Variants in B3GALT1 observed in about 807,000 individuals in gnomAD.
B3GALT1 encodes the protein beta-1,3-galactosyltransferase 1, also known as UDP-Gal:betaGlcNAc beta 1,3-galactosyltransferase, polypeptide 1.
B3GALT1 carries 10 observed loss-of-function variants against 23.2 expected under a neutral mutation model. The ratio of observed to expected loss-of-function variants is 0.43; its 90% confidence interval spans 0.27 to 0.73. The LOEUF is 0.73. Ranked by LOEUF, B3GALT1 falls within the 30% of genes least tolerant of loss-of-function variation. The pLI is 0.21. For missense variants in B3GALT1, 299 were observed against 405.4 expected, an observed-to-expected ratio of 0.74 and a Z score of 2.25; for synonymous variants, 156 against 141.5, an observed-to-expected ratio of 1.10 and a Z score of -0.73.
chr2:167,831,430 A>G (rs1204424422), intron 4 of B3GALT1, among the ~76,000 whole-genome samples: 2 of 152,226 alleles, frequency 1.3e-5, no homozygotes, highest in East Asian at 3.8e-4. Context: ...CAAAATTCAT[A>G]TCTTTGGGAC....
At chr2:167,344,877 C>A (rs1697204892) in intron 1 of B3GALT1, among the ~76,000 whole-genome samples, 3 of 152,088 alleles carry the variant, frequency 2.0e-5, no homozygotes, top group Admixed American at 2.0e-4. Flanking sequence ...TTCTTCCAGT[C>A]ATATGAATGT....
chr2:167,599,088 T>G (rs1401497054), intron 2 of B3GALT1, among the ~76,000 whole-genome samples: 1 of 152,158 alleles, frequency 6.6e-6, no homozygotes, highest in African/African-American at 2.4e-5. Context: ...TTGCTCAAGG[T>G]GAGCCAACAG....
At chr2:167,534,652 T>C (rs1039865021) in intron 2 of B3GALT1, among the ~76,000 whole-genome samples, 2 of 152,196 alleles carry the variant, frequency 1.3e-5, no homozygotes, top group Non-Finnish European at 2.9e-5. Context: ...AGTCATAAGC[T>C]ACCATAAGAA....
At chr2:167,560,087 T>A (rs1683942894) in intron 2 of B3GALT1, among the ~76,000 whole-genome samples, 1 of 152,262 alleles carries the variant, frequency 6.6e-6, no homozygotes, top group Admixed American at 6.5e-5. Flanking sequence ...GGGAAGCCCA[T>A]CAGACTAACA....
At chr2:167,425,712 T>C (rs957205957) in intron 1 of B3GALT1, among the ~76,000 whole-genome samples, 2 of 152,184 alleles carry the variant, frequency 1.3e-5, no homozygotes, top group Admixed American at 6.5e-5. Context: ...TTTCTTTTCA[T>C]TTATGCACAC....
At position 167,800,647 on chromosome 2, in the gene B3GALT1, A is replaced by G. The variant is rs376738457; in HGVS notation, c.-351-18025A>G. Among the ~76,000 whole-genome samples, 8 of 152,322 alleles carry G rather than the reference A, an allele frequency of 5.3e-5. No individual in the cohort carries two copies. The East Asian group carries it at 1.4e-3, about 26-fold the overall frequency. On this transcript the variant is annotated intron_variant, in intron 3 of 4. Transcript: ENST00000392690. The stretch of plus-strand genomic sequence containing the variant: ...TTGAAATGATTCCTCACTATTGGAC[A>G]GCCTTTGGAAACTTGGCCTCACACC...
At chr2:167,745,525 G>A (rs1687639655) in intron 3 of B3GALT1, among the ~76,000 whole-genome samples, 1 of 151,990 alleles carries the variant, frequency 6.6e-6, no homozygotes, top group South Asian at 2.1e-4. Context: ...TAATGTAAAT[G>A]CCTCTATTTT....
rs551435781 is a variant in B3GALT1 at position 167,630,138 on chromosome 2, A to G, written c.-409-16771A>G. The stretch of plus-strand genomic sequence containing the variant: ...AAATAGGTGTACTAGTATAATTAGC[A>G]TCTCTGGGTTGTTGTAAGGATTAAA... On this transcript the variant is annotated intron_variant, in intron 2 of 4. Coordinates refer to ENST00000392690, the MANE Select transcript of B3GALT1 (RefSeq NM_020981.4). Among the ~76,000 whole-genome samples the G allele has an allele frequency of 5.8e-4, 88 of 151,862 alleles. 1 individual carries two copies. Among genetic ancestry groups the G allele is most frequent in the South Asian group, 1.5e-3 (7 of 4,822 alleles).
chr2:167,746,807 T>C (rs998867963), intron 3 of B3GALT1, among the ~76,000 whole-genome samples: 11 of 152,250 alleles, frequency 7.2e-5, no homozygotes, highest in African/African-American at 2.4e-4. Flanking sequence ...GTCTTTGCAG[T>C]CTGCCTTTCC....
intron 3 of B3GALT1, among the ~76,000 whole-genome samples, chr2:167,654,827 T>C (rs1353067859): frequency 6.6e-6 from 1 of 151,146 alleles, no homozygotes; most frequent in East Asian, 1.9e-4. Flanking sequence ...CACTTAACTT[T>C]AGACTCTAAT....
intron 2 of B3GALT1, among the ~76,000 whole-genome samples, chr2:167,520,185 CATT>C (rs748806951): frequency 2.0e-5 from 3 of 152,074 alleles, no homozygotes; most frequent in Non-Finnish European, 4.4e-5. Context: ...CCCATCAAGA[CATT>C]ATTTAAAGCA....
chr2:167,505,997 A>T (rs563530437), intron 2 of B3GALT1, among the ~76,000 whole-genome samples: 5 of 152,092 alleles, frequency 3.3e-5, no homozygotes, highest in South Asian at 2.1e-4. Flanking sequence ...GAGGTGGAGG[A>T]TGCAGTGAGC....
intron 1 of B3GALT1, among the ~76,000 whole-genome samples, chr2:167,342,612 A>T (rs1454854314): frequency 2.0e-5 from 3 of 151,854 alleles, no homozygotes; most frequent in Non-Finnish European, 4.4e-5. Flanking sequence ...AGAAAAAAAA[A>T]CAAAACCAAT....
At chr2:167,780,529 T>C (rs1688229204) in intron 3 of B3GALT1, among the ~76,000 whole-genome samples, 3 of 152,204 alleles carry the variant, frequency 2.0e-5, no homozygotes, top group Non-Finnish European at 4.4e-5. Context: ...CCCATAAAGC[T>C]TCTAGGAACT....
At chr2:167,325,107 T>C (rs978689651) in intron 1 of B3GALT1, among the ~76,000 whole-genome samples, 6 of 152,196 alleles carry the variant, frequency 3.9e-5, no homozygotes, top group African/African-American at 7.2e-5. Context: ...CATTTATCCA[T>C]TGATAGGCAT....
At chr2:167,803,081 AACAC>A (rs71940853) in intron 3 of B3GALT1, among the ~76,000 whole-genome samples, 1,975 of 141,282 alleles carry the variant, frequency 0.014, 15 homozygotes, top group Non-Finnish European at 0.02. Context: ...GACCCTAACA[AACAC>A]ACACACACAC....
chr2:167,503,821 G>T (rs2105349663), intron 2 of B3GALT1, among the ~76,000 whole-genome samples: 1 of 152,210 alleles, frequency 6.6e-6, no homozygotes, highest in South Asian at 2.1e-4. Flanking sequence ...TTATGAAATG[G>T]TCATTGCCTT....
At chr2:167,808,308 G>A (rs1688804987) in intron 3 of B3GALT1, among the ~76,000 whole-genome samples, 4 of 151,362 alleles carry the variant, frequency 2.6e-5, no homozygotes, top group Non-Finnish European at 4.4e-5. Flanking sequence ...TTACCTTTAA[G>A]GTTAATATTG....
At chr2:167,420,539 A>G (rs1293555998) in intron 1 of B3GALT1, among the ~76,000 whole-genome samples, 1 of 152,250 alleles carries the variant, frequency 6.6e-6, no homozygotes, top group African/African-American at 2.4e-5. Context: ...AGAAAAACTC[A>G]TTACACATGG....
Sources: gnomAD v4.1 joint callset for allele counts (sites outside exome capture counted in the v4.1 genomes callset) on GRCh38, gnomAD v4.1.1 for gene constraint, MANE v1.5 for transcripts, NCBI Gene and HGNC (gene_info 2026-07-23, HGNC 2026-07-21) for gene names.